Variants in AGR3 observed in about 807,000 individuals in gnomAD.
AGR3 encodes the protein anterior gradient 3, protein disulphide isomerase family member.
In AGR3, 37 loss-of-function variants were observed where a neutral mutation model predicts 24.5. The ratio of observed to expected loss-of-function variants is 1.51; its 90% confidence interval spans 1.16 to 1.99. The LOEUF (loss-of-function observed/expected upper bound fraction) is 1.99. AGR3 is among the 30% of genes most tolerant of loss of function. The pLI, the probability that AGR3 is intolerant of heterozygous loss-of-function variation, is 0.00. For missense variants in AGR3, 228 were observed against 191.1 expected (o/e 1.19, Z -1.14); for synonymous variants, 75 against 61.6 (o/e 1.22, Z -1.02).
At chr7:16,859,053 C>G (rs1033515493), downstream of AGR3, among the ~76,000 whole-genome samples, 1 of 151,924 alleles carries the variant, frequency 6.6e-6, no homozygotes, top group African/African-American at 2.4e-5. Context: ...TCATTTATGA[C>G]CTGGGTTAGC....
At chr7:16,867,178 ATCTT>A (rs1483112220) in intron 3 of AGR3, among the ~76,000 whole-genome samples, 1 of 152,136 alleles carries the variant, frequency 6.6e-6, no homozygotes, top group African/African-American at 2.4e-5. Context: ...TCATAATTAT[ATCTT>A]TCTAATTTAT....
chr7:16,863,043 C>A (rs915788662), intron 3 of AGR3, among the ~76,000 whole-genome samples: 3 of 152,166 alleles, frequency 2.0e-5, no homozygotes, highest in African/African-American at 7.2e-5. Flanking sequence ...GCACTCCAGC[C>A]TGGGTGACAG....
At chr7:16,873,308 G>C (rs900529666) in intron 3 of AGR3, 1 of 153,590 alleles carries the variant, frequency 6.5e-6, no homozygotes, top group Non-Finnish European at 1.4e-5. Context: ...GAATGAGCCT[G>C]GAGGATGTGT....
chr7:16,865,931 G>A, intron 3 of AGR3: 1 of 701,984 alleles, frequency 1.4e-6, no homozygotes. Context: ...ATCCTGTTTT[G>A]GTTGCCTTTC....
intron 1 of AGR3, among the ~76,000 whole-genome samples, chr7:16,881,277 AAAAT>A (rs1345204275): frequency 6.6e-6 from 1 of 152,228 alleles, no homozygotes; most frequent in Non-Finnish European, 1.5e-5. Flanking sequence ...TTCTAATTAA[AAAAT>A]AAAAATCTTG....
At chr7:16,880,317 T>C (rs1021586171) in intron 1 of AGR3, among the ~76,000 whole-genome samples, 1 of 151,726 alleles carries the variant, frequency 6.6e-6, no homozygotes, top group Non-Finnish European at 1.5e-5. Context: ...TCCACCATCA[T>C]GCCCGGCTAA....
rs1232718067 is a variant in AGR3 at position 16,878,510 on chromosome 7, C to G, written c.109G>C (p.Gly37Arg). ...EKRPPQTLSRGWGDDITWVQT... is the reference protein window; with the variant it reads ...EKRPPQTLSRRWGDDITWVQT... ...AGAAAATAAAATGAGATTACAGCACCTCTTGAGAGTGTCTGAGGAGGCCTC... is the reference window on the plus strand; with the variant it reads ...AGAAAATAAAATGAGATTACAGCACGTCTTGAGAGTGTCTGAGGAGGCCTC... The change falls in exon 2 of 8, where the codon GGA (glycine) becomes CGA (arginine). Residue 37 changes from glycine to arginine, a missense_variant and splice_region_variant. Coordinates refer to ENST00000310398, the MANE Select transcript of AGR3 (RefSeq NM_176813.5). 17 of 1,611,402 alleles carry G rather than the reference C, an allele frequency of 1.1e-5. No individual in the cohort carries two copies. The highest frequency in any genetic ancestry group is 1.7e-4 in the Middle Eastern group (1 of 6,060).
downstream of AGR3, among the ~76,000 whole-genome samples, chr7:16,856,958 C>G (rs1014732111): frequency 6.7e-6 from 1 of 148,176 alleles, no homozygotes; most frequent in African/African-American, 2.5e-5. Flanking sequence ...GTAGAAATAT[C>G]AACTACAATA....
intron 3 of AGR3, chr7:16,865,495 A>T: frequency 1.4e-6 from 1 of 720,438 alleles, no homozygotes; most frequent in Non-Finnish European, 2.5e-6. Flanking sequence ...TCTTTGGGGA[A>T]CAAGAAACTT....
intron 4 of AGR3, 90 bp from the exon 5 acceptor site, chr7:16,862,150 G>T: frequency 3.0e-6 from 3 of 999,030 alleles, no homozygotes; most frequent in Non-Finnish European, 3.1e-6. Context: ...TTTAGCATTT[G>T]TTTGCATATA....
intron 3 of AGR3, among the ~76,000 whole-genome samples, chr7:16,866,792 G>A (rs1171128251): frequency 2.0e-5 from 3 of 151,812 alleles, no homozygotes; most frequent in East Asian, 3.9e-4. Context: ...CCTTTTTCTT[G>A]TTAATATATA....
chr7:16,876,353 G>A (rs1386919148), intron 2 of AGR3, among the ~76,000 whole-genome samples: 2 of 152,080 alleles, frequency 1.3e-5, no homozygotes, highest in Non-Finnish European at 2.9e-5. Context: ...TTTACTATCC[G>A]CCAATCACTG....
chr7:16,871,117 AT>A (rs1367971993), intron 3 of AGR3, among the ~76,000 whole-genome samples: 1 of 152,162 alleles, frequency 6.6e-6, no homozygotes, highest in East Asian at 1.9e-4. Context: ...ATAAATTTGG[AT>A]TTTTAAAAAA....
intron 2 of AGR3, among the ~76,000 whole-genome samples, chr7:16,877,793 G>T (rs537975031): frequency 6.7e-6 from 1 of 149,374 alleles, no homozygotes; most frequent in Non-Finnish European, 1.5e-5. Flanking sequence ...AACCCGGGAG[G>T]CAGAGCTTGC....
intron 1 of AGR3, among the ~76,000 whole-genome samples, chr7:16,881,454 C>A (rs1332531585): frequency 6.6e-6 from 1 of 152,102 alleles, no homozygotes; most frequent in Non-Finnish European, 1.5e-5. Flanking sequence ...CAAGGTTAAG[C>A]TACTTGGGGG....
At chr7:16,877,862 C>CAA (rs67623743) in intron 2 of AGR3, among the ~76,000 whole-genome samples, 65,812 of 125,690 alleles carry the variant, frequency 0.52, 17,093 homozygotes, top group Non-Finnish European at 0.62. Context: ...GACTCCGTCT[C>CAA]AAAAAAAAAA....
intron 5 of AGR3, among the ~76,000 whole-genome samples, 154 bp downstream of exon 5, chr7:16,861,830 G>T (rs71540774): frequency 0.096 from 14,516 of 151,426 alleles, 790 homozygotes; most frequent in Middle Eastern, 0.15. Flanking sequence ...GAACCAGGGA[G>T]GCTGAGGTTG....
At chr7:16,871,255 G>C (rs1158993591) in intron 3 of AGR3, among the ~76,000 whole-genome samples, 2 of 152,066 alleles carry the variant, frequency 1.3e-5, no homozygotes, top group Non-Finnish European at 2.9e-5. Flanking sequence ...ATACTCAAAA[G>C]CTTGATTGAG....
At chr7:16,870,868 G>A (rs1320825695) in intron 3 of AGR3, among the ~76,000 whole-genome samples, 1 of 152,034 alleles carries the variant, frequency 6.6e-6, no homozygotes, top group Non-Finnish European at 1.5e-5. Context: ...TCTAATGCTT[G>A]TCCAATATTG....
Sources: allele counts gnomAD v4.1 joint callset (sites outside exome capture counted in the v4.1 genomes callset), GRCh38; gene constraint gnomAD v4.1.1; transcripts MANE v1.5; gene names NCBI Gene and HGNC (gene_info 2026-07-23, HGNC 2026-07-21).